The following CD72 variants were observed in gnomAD, a reference collection of about 807,000 sequenced individuals.
The protein encoded by CD72 is B-cell differentiation antigen CD72.
CD72 carries 28 observed loss-of-function variants against 50.7 expected under a neutral mutation model. The observed-to-expected ratio is 0.55, with a 90% CI of 0.41 to 0.76. The LOEUF (loss-of-function observed/expected upper bound fraction) is 0.76, where lower values mean the gene tolerates loss of function less well. Among genes scored for constraint, CD72 ranks in the 30% least tolerant of loss-of-function variants. The pLI, the probability that CD72 is intolerant of heterozygous loss-of-function variation, is 0.00. For missense variants in CD72, 403 were observed against 420.6 expected (o/e 0.96, Z 0.37); for synonymous variants, 176 against 171.2 (o/e 1.03, Z -0.22).
At chr9:35,612,057 C>A in intron 6 of CD72, 138 bp from the exon 7 acceptor site, 1 of 598,308 alleles carries the variant, frequency 1.7e-6, no homozygotes, top group South Asian at 2.0e-5. Flanking sequence ...GTCCCTGAAT[C>A]CATCAAGTGC....
At position 35,616,200 on chromosome 9, in the gene CD72, C is replaced by A. The variant is rs571917444; in HGVS notation, c.431G>T (p.Arg144Leu). ...VTNSSLRQQLRLKITQLGQSA... is the reference protein window; with the variant it reads ...VTNSSLRQQLLLKITQLGQSA... ...CTGTCCCAGCTGCGTTATCTTGAGG[C>A]GGAGCTGCTGCCTCAGGCTGCTGTT... The change falls in exon 5 of 9, where the codon CGC (arginine) becomes CTC (leucine). Residue 144 changes from arginine (R) to leucine (L), a missense_variant. Transcript: ENST00000259633. The A allele has an allele frequency of 1.2e-6, 2 of 1,614,014 alleles. No homozygotes were observed. The highest frequency in any genetic ancestry group is 2.7e-5 in the African/African-American group (2 of 74,906).
intron 1 of CD72, chr9:35,643,011 C>T (rs1823353035): frequency 6.6e-6 from 1 of 152,252 alleles, no homozygotes; most frequent in African/African-American, 2.4e-5. Flanking sequence ...CAGCTACTCG[C>T]CTCTGCTGTA....
At chr9:35,634,416 G>A (rs560300785) in intron 1 of CD72, among the ~76,000 whole-genome samples, 3 of 152,196 alleles carry the variant, frequency 2.0e-5, no homozygotes, top group East Asian at 3.9e-4. Context: ...ACAGTGGCAC[G>A]ATCTTGGCTC....
chr9:35,639,192 T>TAG (rs1563900615), intron 1 of CD72, among the ~76,000 whole-genome samples: 2 of 152,054 alleles, frequency 1.3e-5, no homozygotes, highest in Non-Finnish European at 2.9e-5. Context: ...CTAAGTAAAT[T>TAG]TTTTTTCCCT....
chr9:35,628,285 C>T (rs1383236059), intron 1 of CD72, among the ~76,000 whole-genome samples: 1 of 152,166 alleles, frequency 6.6e-6, no homozygotes, highest in Non-Finnish European at 1.5e-5. Flanking sequence ...CTTCTTCCTC[C>T]TCCTTTTTAA....
At chr9:35,638,032 A>G (rs1411151340) in intron 1 of CD72, among the ~76,000 whole-genome samples, 1 of 152,146 alleles carries the variant, frequency 6.6e-6, no homozygotes, top group Admixed American at 6.6e-5. Flanking sequence ...TGGCCCCAAT[A>G]CAAACTCGAA....
rs111373051 is a variant in CD72 at position 35,639,024 on chromosome 9, C to CT, written n.408+7378dup. Among the ~76,000 whole-genome samples the CT allele has an allele frequency of 2.0e-3, 275 of 140,994 alleles. 1 individual carries two copies. Among genetic ancestry groups the CT allele is most frequent in the African/African-American group, 4.1e-3 (160 of 38,696 alleles). The allele number at this position is 140,994 out of a possible 152,430, so 92.5% of individuals were successfully genotyped here. ...AGAGGGGCCGGAAGGCCGCCTTATT[C>CT]TTTTTTTTTTTTTTTAGATGTATTT... is the stretch of plus-strand genomic sequence containing the variant. On this transcript the variant is annotated intron_variant and non_coding_transcript_variant, in intron 1 of 3. Coordinates refer to the CD72 transcript ENST00000465754.
At chr9:35,621,246 C>G (rs893109196), upstream of CD72, among the ~76,000 whole-genome samples, 5 of 152,188 alleles carry the variant, frequency 3.3e-5, no homozygotes, top group South Asian at 1.0e-3. Context: ...GACACTAACA[C>G]CCATGTTTTG....
At chr9:35,646,217 G>A (rs1823390925) in intron 1 of CD72, 1 of 152,154 alleles carries the variant, frequency 6.6e-6, no homozygotes, top group African/African-American at 2.4e-5. Context: ...CTGTCCCGGA[G>A]ACCCTCCCTC....
rs371510778 is a variant in CD72 at position 35,611,824 on chromosome 9, A to G, written c.930T>C (p.Thr310=). The change falls in exon 7 of 9, where the codon ACT becomes ACC. Residue 310 remains threonine (T), a synonymous_variant. Coordinates refer to ENST00000259633, the MANE Select transcript of CD72 (RefSeq NM_001782.3). ...GLSSNKDWKL[T]DDTQRTRTYA... ...CTTACCTAGTGCGTTGTGTATCATC[A>G]GTCAACTTCCAATCCTTGTTAGAGC... The G allele has an allele frequency of 7.5e-6, 12 of 1,602,754 alleles. No homozygotes were observed. The African/African-American group carries it at 1.3e-4, about 18-fold the overall frequency.
intron 6 of CD72, 94 bp downstream of exon 6, chr9:35,612,754 C>T (rs1175404345): frequency 2.4e-5 from 29 of 1,198,652 alleles, no homozygotes; most frequent in Non-Finnish European, 3.2e-5. Context: ...GAATGGCCAC[C>T]CCAGCCATGT....
chr9:35,630,481 T>G (rs1823235476), intron 1 of CD72, among the ~76,000 whole-genome samples: 1 of 152,226 alleles, frequency 6.6e-6, no homozygotes, highest in African/African-American at 2.4e-5. Context: ...ACACTTTTTA[T>G]GATATTTTCT....
At chr9:35,617,939 C>T in intron 2 of CD72, 75 bp downstream of exon 2, 2 of 903,898 alleles carry the variant, frequency 2.2e-6, no homozygotes, top group East Asian at 4.8e-5. Flanking sequence ...TCAAGAACAA[C>T]AACAAAAACA....
chr9:35,611,138 C>T (rs1165316675), intron 7 of CD72, among the ~76,000 whole-genome samples: 2 of 152,062 alleles, frequency 1.3e-5, no homozygotes, highest in Non-Finnish European at 2.9e-5. Flanking sequence ...GTAGTCCCAG[C>T]TGCTGGGGAG....
chr9:35,613,474 T>G (rs902333586), intron 5 of CD72, among the ~76,000 whole-genome samples: 2 of 152,190 alleles, frequency 1.3e-5, no homozygotes, highest in East Asian at 3.8e-4. Context: ...TTCTCTGTTC[T>G]TCTTTTCCTG....
At chr9:35,638,790 G>A (rs1045474185) in intron 1 of CD72, among the ~76,000 whole-genome samples, 2 of 151,676 alleles carry the variant, frequency 1.3e-5, no homozygotes, top group African/African-American at 4.8e-5. Context: ...TCCCCGAGAG[G>A]ACCCCCAAAG....
At chr9:35,643,980 C>T (rs376755103) in intron 1 of CD72, among the ~76,000 whole-genome samples, 302 of 151,238 alleles carry the variant, frequency 2.0e-3, no homozygotes, top group African/African-American at 6.8e-3. Flanking sequence ...AGAAAAACTC[C>T]GTCTCAAAAC....
intron 3 of CD72, 196 bp from the exon 4 acceptor site, chr9:35,616,885 C>A: frequency 8.9e-7 from 1 of 1,128,796 alleles, no homozygotes; most frequent in Non-Finnish European, 1.2e-6. Context: ...GTTCCAGAAT[C>A]AGTGCTGGTG....
chr9:35,636,151 G>T (rs1823287973), intron 1 of CD72, among the ~76,000 whole-genome samples: 1 of 152,020 alleles, frequency 6.6e-6, no homozygotes, highest in Admixed American at 6.5e-5. Flanking sequence ...CCTGAGTTTT[G>T]TAGGTTGTTT....
Sources: gnomAD v4.1 joint callset for allele counts (sites outside exome capture counted in the v4.1 genomes callset) on GRCh38, gnomAD v4.1.1 for gene constraint, MANE v1.5 for transcripts, NCBI Gene and HGNC (gene_info 2026-07-23, HGNC 2026-07-21) for gene names.